Variants in RTTN observed in about 807,000 individuals in gnomAD.
RTTN encodes rotatin.
In RTTN, 182 loss-of-function variants were observed where a neutral mutation model predicts 269.2. The observed-to-expected ratio is 0.68, with a 90% confidence interval of 0.60 to 0.76. The LOEUF is 0.76. RTTN is among the 30% of genes least tolerant of loss of function. The pLI, the probability that RTTN is intolerant of heterozygous loss-of-function variation, is 0.00. For synonymous variants in RTTN, 1,006 were observed against 963.5 expected (o/e 1.04, Z -0.82); for missense variants, 2,545 against 2,608.6 (o/e 0.98, Z 0.53).
At chr18:70,108,261 A>G (rs1329878164) in intron 28 of RTTN, among the ~76,000 whole-genome samples, 1 of 144,878 alleles carries the variant, frequency 6.9e-6, no homozygotes, top group Non-Finnish European at 1.5e-5. Context: ...TGGGCAACAG[A>G]GCAAGACTCT....
intron 27 of RTTN, among the ~76,000 whole-genome samples, chr18:70,112,633 T>C (rs1376130151): frequency 6.6e-6 from 1 of 152,216 alleles, no homozygotes. Context: ...TAAATATATA[T>C]GCACCCAATA....
At position 70,142,371 on chromosome 18, in the gene RTTN, T is replaced by C; in HGVS notation, c.2498A>G (p.Lys833Arg). 4.4e-6 allele frequency: 7 copies of C among 1,591,982 alleles called. No homozygotes were observed. The highest frequency in any genetic ancestry group is 2.2e-5 in the East Asian group (1 of 44,752). ...ELVIKLETVE[K>R]VYEIFTSDDV... is the part of the protein sequence containing the mutation. ...ATCTGAGGTGAAGATTTCATATACC[T>C]TTTCAACAGTCTCCAACTACAAACC... Residue 833 changes from lysine to arginine, a missense_variant, in exon 19 of 49, where the codon AAG becomes AGG. Transcript: ENST00000640769.
chr18:70,004,888 C>G (rs1599062351), intron 48 of RTTN, among the ~76,000 whole-genome samples: 1 of 152,242 alleles, frequency 6.6e-6, no homozygotes, highest in East Asian at 1.9e-4. Flanking sequence ...GTTTTCTGCT[C>G]ACAGTTAATT....
rs182669917 is a variant in RTTN at position 70,130,650 on chromosome 18, G to C, written c.2955-2104C>G. On this transcript the variant is annotated intron_variant, in intron 23 of 48. Coordinates refer to ENST00000640769, the MANE Select transcript of RTTN (RefSeq NM_173630.4). The stretch of plus-strand genomic sequence containing the variant: ...CAGGCTGTAAAGGATGGTGGGGAAG[G>C]GGGGAATTAAGAAGGGATGGCTAAT... 5 of 151,938 alleles carry C rather than the reference G, an allele frequency of 3.3e-5. No homozygotes were observed. The East Asian group carries it at 9.7e-4, about 29-fold the overall frequency. 9.4% of individuals were successfully genotyped at this position (151,938 alleles called of 1,614,324 possible). A position where few individuals can be genotyped will look rare whatever the true frequency, so the allele number is the denominator to read the frequency against.
chr18:70,112,151 G>T (rs1359140925), intron 27 of RTTN, among the ~76,000 whole-genome samples: 3 of 152,118 alleles, frequency 2.0e-5, no homozygotes, highest in African/African-American at 7.2e-5. Context: ...AGCTCTTGAA[G>T]GAAGCACTAA....
chr18:70,030,888 G>C lies in RTTN; in HGVS notation c.5635C>G (p.His1879Asp). The C allele has an allele frequency of 6.2e-7, 1 of 1,612,148 alleles. No homozygotes were observed. Among genetic ancestry groups the C allele is most frequent in the Non-Finnish European group, 8.5e-7 (1 of 1,178,996 alleles). Reference protein sequence around the residue: ...LLAVSRRAQKHALKANLIDNC... With the variant: ...LLAVSRRAQKDALKANLIDNC... ...TCATGTGGCTCACCTTTCAAAGCAT[G>C]TTTCTGTGCTCTTCTACTGACAGCC... is the stretch of plus-strand genomic sequence containing the variant. Residue 1879 changes from histidine to aspartate, a missense_variant, in exon 41 of 49, where the codon CAT becomes GAT. By Grantham distance (81) the His-to-Asp change is moderately conservative (BLOSUM62 -1). Transcript: ENST00000640769.
chr18:70,142,977 A>T (rs1276894654), intron 18 of RTTN, among the ~76,000 whole-genome samples: 1 of 152,162 alleles, frequency 6.6e-6, no homozygotes, highest in Non-Finnish European at 1.5e-5. Flanking sequence ...GTGATCCAAG[A>T]TCGCACCACT....
intron 43 of RTTN, among the ~76,000 whole-genome samples, chr18:70,028,464 T>C (rs1214270671): frequency 2.0e-5 from 3 of 152,212 alleles, no homozygotes; most frequent in Non-Finnish European, 4.4e-5. Context: ...CAGCCATTCA[T>C]TCCATATGTA....
intron 14 of RTTN, among the ~76,000 whole-genome samples, chr18:70,161,311 T>C (rs2060823327): frequency 6.6e-6 from 1 of 152,200 alleles, no homozygotes; most frequent in South Asian, 2.1e-4. Flanking sequence ...AGATTGAAAC[T>C]GGACCCCCTT....
In RTTN at chr18:70,044,916, C is replaced by T. The variant is rs285224; in HGVS notation, c.5541+3055G>A. On this transcript the variant is annotated intron_variant, in intron 40 of 48. Transcript: ENST00000640769. ...GAATTTTCCATTTAATATTTCTGGA[C>T]TACAGTCAACCATGAGTAACTGAAG... 5.9e-3 allele frequency among the ~76,000 whole-genome samples: 895 copies of T among 152,244 alleles called. 5 individuals carry two copies. Among genetic ancestry groups the T allele is most frequent in the African/African-American group, 0.021 (859 of 41,522 alleles).
At position 70,121,604 on chromosome 18, in the gene RTTN, ATT is replaced by A; in HGVS notation, c.3478_3479del (p.Asn1160PhefsTer15). ...TCCAGTTTAGAAGTTCTAGTGAAGA[ATT>A]TTTTCTTTGTTCCTTTATTAATTTA... is the stretch of plus-strand genomic sequence containing the variant. ...LNKLIKEQRKNSSLELLNWIL... is the reference protein window; with the variant it reads ...LNKLIKEQRKXSSLELLNWIL... On this transcript the variant is annotated frameshift_variant, in exon 26 of 49. Coordinates refer to ENST00000640769, the MANE Select transcript of RTTN (RefSeq NM_173630.4). LOFTEE classifies it high-confidence loss of function. 1.9e-6 allele frequency: 3 copies of A among 1,580,824 alleles called. No homozygotes were observed. The highest frequency in any genetic ancestry group is 2.4e-5 in the South Asian group (2 of 83,868).
rs192003491 is a variant in RTTN, at chr18:70,167,542, C to T, written c.1690-511G>A. Reference sequence around the variant, plus strand: ...TTCAAGACTAACCTGGCCAACATGGCGAAACCCCGTCTCTACTAAAAATAC... The same window carrying T: ...TTCAAGACTAACCTGGCCAACATGGTGAAACCCCGTCTCTACTAAAAATAC... On this transcript the variant is annotated intron_variant, in intron 12 of 48. Coordinates refer to ENST00000640769, the MANE Select transcript of RTTN (RefSeq NM_173630.4). 4.0e-5 allele frequency among the ~76,000 whole-genome samples: 6 copies of T among 151,876 alleles called. No individual in the cohort carries two copies. The East Asian group carries it at 9.8e-4, about 25-fold the overall frequency.
chr18:70,122,484 C>T (rs2059764344), intron 25 of RTTN, among the ~76,000 whole-genome samples: 1 of 152,080 alleles, frequency 6.6e-6, no homozygotes, highest in South Asian at 2.1e-4. Context: ...ATTTATGGAG[C>T]ACCAACCTTG....
intron 38 of RTTN, among the ~76,000 whole-genome samples, chr18:70,052,559 A>T (rs1325942874): frequency 6.6e-6 from 1 of 151,648 alleles, no homozygotes; most frequent in African/African-American, 2.4e-5. Context: ...GCTGAAAATT[A>T]AATTAAAAAT....
chr18:70,077,567 T>G (rs1240973227), intron 32 of RTTN, among the ~76,000 whole-genome samples: 3 of 151,986 alleles, frequency 2.0e-5, no homozygotes, highest in African/African-American at 7.2e-5. Context: ...AAATATGGTA[T>G]TAGAACTCTT....
chr18:70,128,179 T>C (rs1599684611), intron 24 of RTTN, 179 bp downstream of exon 24: 4 of 551,562 alleles, frequency 7.3e-6, no homozygotes, highest in Non-Finnish European at 1.3e-5. Flanking sequence ...ATATGATAGA[T>C]TGTTAAAAGT....
At chr18:70,040,513 G>T (rs117951750) in intron 40 of RTTN, among the ~76,000 whole-genome samples, 1 of 152,160 alleles carries the variant, frequency 6.6e-6, no homozygotes, top group Non-Finnish European at 1.5e-5. Flanking sequence ...ATCTCAAGAC[G>T]ATAATGGCTG....
At chr18:70,085,971 C>T (rs2145179058) in intron 32 of RTTN, among the ~76,000 whole-genome samples, 1 of 152,150 alleles carries the variant, frequency 6.6e-6, no homozygotes, top group East Asian at 1.9e-4. Flanking sequence ...TCCCATGAAG[C>T]TAGAATTTTT....
At chr18:70,047,462 T>G (rs1317105646) in intron 40 of RTTN, among the ~76,000 whole-genome samples, 1 of 152,170 alleles carries the variant, frequency 6.6e-6, no homozygotes, top group Non-Finnish European at 1.5e-5. Context: ...TAAACATAAT[T>G]TTATAAGATA....
Sources: allele counts gnomAD v4.1 joint callset (sites outside exome capture counted in the v4.1 genomes callset), GRCh38; gene constraint gnomAD v4.1.1; transcripts MANE v1.5; gene names NCBI Gene and HGNC (gene_info 2026-07-23, HGNC 2026-07-21).